TRDN: variants seen among roughly 807,000 people sequenced by gnomAD.
The protein encoded by TRDN is triadin in skeletal muscle.
A neutral mutation model predicts 149.7 loss-of-function variants in TRDN; 161 were observed. The observed-to-expected ratio is 1.08, with a 90% CI of 0.95 to 1.23. The LOEUF (loss-of-function observed/expected upper bound fraction) is 1.23, where lower values mean the gene tolerates loss of function less well. Among genes scored for constraint, TRDN ranks in the 50% most tolerant of loss-of-function variants. The probability of loss-of-function intolerance (pLI) is 0.00; values close to 1 mark genes in which losing one functional copy is unlikely to be tolerated. For synonymous variants in TRDN, 294 were observed against 250.5 expected (o/e 1.17, Z -1.64); for missense variants, 896 against 823.5 (o/e 1.09, Z -1.08).
chr6:123,376,404 A>T (rs192993559), intron 18 of TRDN, among the ~76,000 whole-genome samples: 2 of 152,296 alleles, frequency 1.3e-5, no homozygotes, highest in East Asian at 3.9e-4. Context: ...ATTATTTTAA[A>T]GTCTTCTGTT....
intron 24 of TRDN, 129 bp from the exon 25 acceptor site, chr6:123,279,211 T>A (rs577358676): frequency 1.1e-5 from 8 of 731,522 alleles, no homozygotes; most frequent in Non-Finnish European, 1.6e-5. Context: ...TCCTTTTTTG[T>A]TGAAATTCTA....
At chr6:123,523,329 C>T (rs985002634) in intron 5 of TRDN, among the ~76,000 whole-genome samples, 15 of 152,064 alleles carry the variant, frequency 9.9e-5, no homozygotes, top group Non-Finnish European at 2.2e-4. Context: ...GTACAGGGGG[C>T]ATCAGTGGGG....
At chr6:123,370,710 C>T (rs890212465) in intron 19 of TRDN, among the ~76,000 whole-genome samples, 1 of 152,128 alleles carries the variant, frequency 6.6e-6, no homozygotes, top group African/African-American at 2.4e-5. Context: ...ACTACCATCA[C>T]CAGAATAAGC....
At chr6:123,222,876 T>C (rs549064415) in intron 39 of TRDN, among the ~76,000 whole-genome samples, 185 of 151,710 alleles carry the variant, frequency 1.2e-3, no homozygotes, top group African/African-American at 4.3e-3. Flanking sequence ...ATACATTCAA[T>C]CAACAAGCGT....
intron 10 of TRDN, among the ~76,000 whole-genome samples, chr6:123,459,058 C>T (rs1168762814): frequency 2.0e-5 from 3 of 152,136 alleles, no homozygotes; most frequent in African/African-American, 4.8e-5. Context: ...TTTCTCATAA[C>T]ATATTCCAAG....
chr6:123,273,429 T>G (rs2114616716), intron 27 of TRDN, 66 bp from the exon 28 acceptor site: 1 of 760,458 alleles, frequency 1.3e-6, no homozygotes, highest in Non-Finnish European at 1.8e-6. Context: ...CAATAACAAA[T>G]ACAACTGGTT....
At chr6:123,322,879 T>A (rs1779300270) in intron 23 of TRDN, among the ~76,000 whole-genome samples, 1 of 151,748 alleles carries the variant, frequency 6.6e-6, no homozygotes, top group South Asian at 2.1e-4. Flanking sequence ...GACCTCGTGA[T>A]CCACCTGCCT....
chr6:123,515,389 C>G (rs896701698), intron 6 of TRDN, among the ~76,000 whole-genome samples: 2 of 151,800 alleles, frequency 1.3e-5, no homozygotes, highest in African/African-American at 2.4e-5. Context: ...TAACAATTAA[C>G]TAGATTATCA....
chr6:123,260,206 T>A (rs1776715126), intron 34 of TRDN, among the ~76,000 whole-genome samples: 2 of 152,074 alleles, frequency 1.3e-5, no homozygotes, highest in South Asian at 4.1e-4. Flanking sequence ...TGTTACATTT[T>A]TACCTTTAGG....
Position 123,256,850 on chromosome 6 carries a change from T to C in TRDN, c.1871-948A>G, listed in dbSNP as rs186221606. On this transcript the variant is annotated intron_variant, in intron 35 of 40. Coordinates refer to ENST00000334268, the MANE Select transcript of TRDN (RefSeq NM_006073.4). Reference sequence around the variant, plus strand: ...AGATCCCATTTGTCAATCTTGGCTTTTGCTGCAAATGCTTTAGCTGTTTTA... The same window carrying C: ...AGATCCCATTTGTCAATCTTGGCTTCTGCTGCAAATGCTTTAGCTGTTTTA... 7.0e-4 allele frequency among the ~76,000 whole-genome samples: 107 copies of C among 152,284 alleles called. 1 individual carries two copies. The highest frequency in any genetic ancestry group is 2.5e-3 in the African/African-American group (102 of 41,584).
chr6:123,265,416 T>A, intron 32 of TRDN, 78 bp from the exon 33 acceptor site: 1 of 953,130 alleles, frequency 1.0e-6, no homozygotes, highest in Non-Finnish European at 1.5e-6. Flanking sequence ...CCTTTATATT[T>A]CCTATTTTTG....
At chr6:123,486,305 G>A (rs1051144862) in intron 9 of TRDN, among the ~76,000 whole-genome samples, 9 of 150,914 alleles carry the variant, frequency 6.0e-5, no homozygotes, top group South Asian at 2.1e-4. Flanking sequence ...TAGGCTTATC[G>A]GGTATTTTCC....
At chr6:123,594,540 C>T (rs1322693576) in intron 1 of TRDN, among the ~76,000 whole-genome samples, 1 of 151,930 alleles carries the variant, frequency 6.6e-6, no homozygotes, top group Non-Finnish European at 1.5e-5. Flanking sequence ...AGGAAACCCA[C>T]TTTCTTCACT....
chr6:123,272,928 G>A, intron 29 of TRDN, 36 bp downstream of exon 29: 1 of 1,413,234 alleles, frequency 7.1e-7, no homozygotes, highest in African/African-American at 1.5e-5. Context: ...AACATTGAGA[G>A]GTTATTTGAG....
At chr6:123,586,623 T>C (rs1313070979) in intron 1 of TRDN, among the ~76,000 whole-genome samples, 2 of 152,108 alleles carry the variant, frequency 1.3e-5, no homozygotes, top group Non-Finnish European at 2.9e-5. Context: ...GTCGAGTTTG[T>C]ATTGGGGTCA....
intron 24 of TRDN, among the ~76,000 whole-genome samples, chr6:123,291,914 G>A (rs1778024920): frequency 6.6e-6 from 1 of 152,092 alleles, no homozygotes; most frequent in Admixed American, 6.6e-5. Flanking sequence ...GACTGCTGTT[G>A]TGGTCTGATG....
intron 5 of TRDN, among the ~76,000 whole-genome samples, chr6:123,524,750 A>T (rs1039286797): frequency 1.1e-4 from 17 of 152,158 alleles, no homozygotes; most frequent in Non-Finnish European, 2.1e-4. Flanking sequence ...GAAATTTTGA[A>T]ATTTCAGAAA....
chr6:123,231,475 C>T (rs751410124), intron 38 of TRDN, among the ~76,000 whole-genome samples: 1 of 151,858 alleles, frequency 6.6e-6, no homozygotes, highest in Non-Finnish European at 1.5e-5. Flanking sequence ...ATCTAGGAGG[C>T]AGCAGTATTA....
rs1171677371 is a variant in TRDN, at chr6:123,266,415, TAG to T, written c.1784-1079_1784-1078del. On this transcript the variant is annotated intron_variant, in intron 32 of 40. Coordinates refer to ENST00000334268, the MANE Select transcript of TRDN (RefSeq NM_006073.4). ...TATGATATGTATTATATATAATATATAGATTATGATATGTATTATATATAATA... is the reference window on the plus strand; with the variant it reads ...TATGATATGTATTATATATAATATATATTATGATATGTATTATATATAATA... 2.3e-3 allele frequency among the ~76,000 whole-genome samples: 211 copies of T among 92,732 alleles called. 40 individuals are homozygous for T. Among genetic ancestry groups the T allele is most frequent in the African/African-American group, 0.012 (152 of 12,840 alleles). The allele number at this position is 92,732 out of a possible 152,430, so 60.8% of individuals were successfully genotyped here. A position where few individuals can be genotyped will look rare whatever the true frequency, so the allele number is the denominator to read the frequency against.
Sources: allele counts gnomAD v4.1 joint callset (sites outside exome capture counted in the v4.1 genomes callset), GRCh38; gene constraint gnomAD v4.1.1; transcripts MANE v1.5; gene names NCBI Gene and HGNC (gene_info 2026-07-23, HGNC 2026-07-21).